CD96: variants seen among roughly 807,000 people sequenced by gnomAD.
CD96 encodes CD96 molecule.
In CD96, 70 loss-of-function variants were observed where a neutral mutation model predicts 71.3. The ratio of observed to expected loss-of-function variants is 0.98; its 90% confidence interval spans 0.81 to 1.20. The LOEUF is 1.20. CD96 is among the 50% of genes most tolerant of loss of function. The pLI, the probability that CD96 is intolerant of heterozygous loss-of-function variation, is 0.00. For missense variants in CD96, 742 were observed against 677.5 expected (o/e 1.10, Z -1.06); for synonymous variants, 248 against 233.0 (o/e 1.06, Z -0.59).
chr3:111,647,403 GC>G (rs1163739012), intron 12 of CD96, 139 bp from the exon 13 acceptor site: 6 of 793,768 alleles, frequency 7.6e-6, no homozygotes, highest in Non-Finnish European at 1.3e-5. Flanking sequence ...AGGTAACAAG[GC>G]TTAGACATGC....
In CD96 at chr3:111,584,862, T is replaced by C. The variant is rs529567025; in HGVS notation, c.752-461T>C. The stretch of plus-strand genomic sequence containing the variant: ...ACATGTAGAACATTGCTCTTTTCTC[T>C]CCCTCCCCACCACCCATCCTCCGCT... On this transcript the variant is annotated intron_variant, in intron 4 of 13. Transcript: ENST00000352690. Among the ~76,000 whole-genome samples, 5 of 152,154 alleles carry C rather than the reference T, an allele frequency of 3.3e-5. No individual in the cohort carries two copies. The South Asian group carries it at 8.3e-4, about 25-fold the overall frequency.
intron 2 of CD96, among the ~76,000 whole-genome samples, chr3:111,550,082 T>TAAAGAGGCAAAAGTAGAATCAGG (rs1165897773): frequency 5.3e-5 from 8 of 152,070 alleles, no homozygotes; most frequent in African/African-American, 1.9e-4. Context: ...GAAGAGCAAT[T>TAAAGAGGCAAAAGTAGAATCAGG]AAAGAGGCAA....
At chr3:111,642,114 G>A (rs770569337) in intron 12 of CD96, among the ~76,000 whole-genome samples, 4 of 152,160 alleles carry the variant, frequency 2.6e-5, no homozygotes, top group South Asian at 4.2e-4. Context: ...AAACTGAACC[G>A]AAATCCATCA....
chr3:111,609,701 A>T (rs1161359734), intron 8 of CD96, among the ~76,000 whole-genome samples: 1 of 152,236 alleles, frequency 6.6e-6, no homozygotes, highest in African/African-American at 2.4e-5. Flanking sequence ...TTGTTTAAAA[A>T]GCAGGGGGGA....
At chr3:111,551,798 C>T (rs1385033902) in intron 2 of CD96, among the ~76,000 whole-genome samples, 1 of 152,076 alleles carries the variant, frequency 6.6e-6, no homozygotes, top group African/African-American at 2.4e-5. Flanking sequence ...GATTTATATT[C>T]CTTTGAGTAT....
chr3:111,617,384 C>G (rs1239038792), intron 8 of CD96, among the ~76,000 whole-genome samples: 2 of 152,182 alleles, frequency 1.3e-5, no homozygotes, highest in African/African-American at 4.8e-5. Context: ...TTGGATAGTG[C>G]TTTTTCCTGG....
intron 3 of CD96, 44 bp downstream of exon 3, chr3:111,567,691 A>C: frequency 6.4e-7 from 1 of 1,553,146 alleles, no homozygotes; most frequent in Non-Finnish European, 8.9e-7. Context: ...TGGTCTTTAA[A>C]CATTAACGAA....
intron 2 of CD96, among the ~76,000 whole-genome samples, chr3:111,561,445 C>G (rs1424798270): frequency 1.4e-5 from 2 of 140,066 alleles, no homozygotes; most frequent in African/African-American, 2.5e-5. Context: ...CCCTCAGCTG[C>G]AGGTCTGTTG....
downstream of CD96, among the ~76,000 whole-genome samples, chr3:111,656,514 A>G (rs1032186172): frequency 1.3e-5 from 2 of 152,246 alleles, no homozygotes; most frequent in Admixed American, 6.5e-5. Flanking sequence ...GGAATTCACC[A>G]TGAAACTCAG....
At chr3:111,598,361 T>C in intron 6 of CD96, 151 bp downstream of exon 6, 1 of 648,768 alleles carries the variant, frequency 1.5e-6, no homozygotes, top group Non-Finnish European at 2.8e-6. Flanking sequence ...TGTCATTTTC[T>C]GATGCTTCAT....
chr3:111,578,787 G>A (rs1334646286), intron 3 of CD96, among the ~76,000 whole-genome samples: 11 of 152,174 alleles, frequency 7.2e-5, no homozygotes, highest in Non-Finnish European at 8.8e-5. Flanking sequence ...GATTATGAAG[G>A]AGAAGCTCTA....
intron 10 of CD96, among the ~76,000 whole-genome samples, chr3:111,635,719 AC>A (rs1939296001): frequency 6.6e-6 from 1 of 152,234 alleles, no homozygotes; most frequent in Non-Finnish European, 1.5e-5. Context: ...ATTTTTAAAT[AC>A]CCATTTTCCT....
At chr3:111,604,685 A>G (rs577647544) in intron 7 of CD96, among the ~76,000 whole-genome samples, 4 of 152,360 alleles carry the variant, frequency 2.6e-5, no homozygotes, top group Non-Finnish European at 4.4e-5. Flanking sequence ...TGTTCAATCA[A>G]TGAAAAATAA....
chr3:111,635,883 A>G (rs1242706174), intron 10 of CD96, among the ~76,000 whole-genome samples: 3 of 152,206 alleles, frequency 2.0e-5, no homozygotes, highest in Non-Finnish European at 4.4e-5. Context: ...GCAAAAAACT[A>G]CAAGGTTATT....
At chr3:111,574,881 T>G (rs1299224837) in intron 3 of CD96, among the ~76,000 whole-genome samples, 1 of 151,802 alleles carries the variant, frequency 6.6e-6, no homozygotes, top group Non-Finnish European at 1.5e-5. Context: ...CTCCCCAGGC[T>G]CAGGTGATCC....
At position 111,597,442 on chromosome 3, in the gene CD96, T is replaced by A. The variant is rs533115425; in HGVS notation, c.808-678T>A. ...TTTCAATACAATTTTTATTAAAAAA[T>A]ATGTTGGACTGAGATTAAGGAGACA... On this transcript the variant is annotated intron_variant, in intron 5 of 13. Coordinates refer to ENST00000352690, the MANE Select transcript of CD96 (RefSeq NM_005816.5). Among the ~76,000 whole-genome samples, 3 of 152,308 alleles carry A rather than the reference T, an allele frequency of 2.0e-5. No homozygotes were observed. The East Asian group carries it at 5.8e-4, about 29-fold the overall frequency.
chr3:111,544,119 C>T (rs1384723470), intron 1 of CD96, among the ~76,000 whole-genome samples: 1 of 152,066 alleles, frequency 6.6e-6, no homozygotes, highest in Non-Finnish European at 1.5e-5. Flanking sequence ...CATTCTTTTA[C>T]TGGAGGTGTG....
chr3:111,596,007 C>T (rs1013569457), intron 5 of CD96, among the ~76,000 whole-genome samples: 1 of 151,526 alleles, frequency 6.6e-6, no homozygotes. Flanking sequence ...ACTAAAAATG[C>T]AAAAATTAGC....
intron 13 of CD96, among the ~76,000 whole-genome samples, chr3:111,648,865 G>T (rs1373295942): frequency 6.6e-6 from 1 of 152,156 alleles, no homozygotes; most frequent in Non-Finnish European, 1.5e-5. Flanking sequence ...TATCAAGATA[G>T]CTAGAGCATT....
Sources: gnomAD v4.1 joint callset for allele counts (sites outside exome capture counted in the v4.1 genomes callset) on GRCh38, gnomAD v4.1.1 for gene constraint, MANE v1.5 for transcripts, NCBI Gene and HGNC (gene_info 2026-07-23, HGNC 2026-07-21) for gene names.